The following NALCN variants were observed in gnomAD, a reference collection of about 807,000 sequenced individuals.
NALCN encodes the protein sodium leak channel, non-selective.
Under a neutral mutation model 225.3 loss-of-function variants are expected in NALCN, and 111 were observed. The observed-to-expected ratio is 0.49, with a 90% CI of 0.42 to 0.58. NALCN has a LOEUF of 0.58. NALCN is among the 20% of genes least tolerant of loss of function. The probability of loss-of-function intolerance (pLI) is 0.00; values close to 1 mark genes in which losing one functional copy is unlikely to be tolerated. For synonymous variants in NALCN, 764 were observed against 769.0 expected, an observed-to-expected ratio of 0.99 and a Z score of 0.11; for missense variants, 1,378 against 2,202.4, an observed-to-expected ratio of 0.63 and a Z score of 7.49.
At chr13:101,070,063 G>GTTCTTTTTTTTTTTTT (rs536866923) in intron 37 of NALCN, among the ~76,000 whole-genome samples, 5 of 98,314 alleles carry the variant, frequency 5.1e-5, no homozygotes, top group African/African-American at 1.3e-4. Flanking sequence ...AATCATGAAT[G>GTTCTTTTTTTTTTTTT]TTTTTTTTTT....
intron 7 of NALCN, among the ~76,000 whole-genome samples, chr13:101,328,892 A>G (rs1453427486): frequency 6.6e-6 from 1 of 152,206 alleles, no homozygotes; most frequent in Non-Finnish European, 1.5e-5. Flanking sequence ...GACCATCCAC[A>G]GAATACTCAC....
chr13:101,167,238 AT>A (rs1410916210), intron 15 of NALCN, among the ~76,000 whole-genome samples: 1 of 152,208 alleles, frequency 6.6e-6, no homozygotes, highest in African/African-American at 2.4e-5. Context: ...TCTTTTCTAT[AT>A]CTGCAAAAAG....
chr13:101,327,781 G>A (rs1419248593), intron 7 of NALCN, among the ~76,000 whole-genome samples: 1 of 152,162 alleles, frequency 6.6e-6, no homozygotes, highest in Non-Finnish European at 1.5e-5. Flanking sequence ...CTAGGATAAA[G>A]ACTGCAAAGG....
At chr13:101,287,866 G>A (rs892059512) in intron 9 of NALCN, among the ~76,000 whole-genome samples, 2 of 152,132 alleles carry the variant, frequency 1.3e-5, no homozygotes, top group African/African-American at 4.8e-5. Flanking sequence ...TGAATAACAG[G>A]TTATCTAATG....
chr13:101,200,457 G>A (rs1924427), intron 13 of NALCN, among the ~76,000 whole-genome samples: 80,351 of 151,992 alleles, frequency 0.53, 21,391 homozygotes, highest in Non-Finnish European at 0.56. Context: ...ATGCCCTCAC[G>A]CTTTGGTGCT....
intron 1 of NALCN, among the ~76,000 whole-genome samples, chr13:101,400,553 GT>G (rs147852498): frequency 0.041 from 4,726 of 116,078 alleles, 125 homozygotes; most frequent in East Asian, 0.12. Context: ...CAGTGTGTGT[GT>G]GTGTGTGTGT....
At chr13:101,156,061 G>C (rs530623583) in intron 15 of NALCN, among the ~76,000 whole-genome samples, 164 of 151,834 alleles carry the variant, frequency 1.1e-3, no homozygotes, top group African/African-American at 3.7e-3. Context: ...GTATTCTTTG[G>C]GTTATAACCC....
At chr13:101,320,850 A>C (rs1379491571) in intron 7 of NALCN, among the ~76,000 whole-genome samples, 1 of 152,030 alleles carries the variant, frequency 6.6e-6, no homozygotes, top group East Asian at 1.9e-4. Context: ...CCCTCCTTTT[A>C]TTTGATTCTA....
At chr13:101,156,797 T>C (rs950647902) in intron 15 of NALCN, among the ~76,000 whole-genome samples, 2 of 152,210 alleles carry the variant, frequency 1.3e-5, no homozygotes, top group Admixed American at 6.5e-5. Context: ...ATTAGAGGCA[T>C]GGAAAATACG....
chr13:101,327,814 T>A (rs909612950), intron 7 of NALCN, among the ~76,000 whole-genome samples: 7 of 152,138 alleles, frequency 4.6e-5, no homozygotes, highest in African/African-American at 1.4e-4. Context: ...TGTGGGAAGA[T>A]AGAATCAAAA....
chr13:101,257,029 C>T (rs4482133), intron 11 of NALCN, among the ~76,000 whole-genome samples: 1 of 152,170 alleles, frequency 6.6e-6, no homozygotes, highest in Non-Finnish European at 1.5e-5. Flanking sequence ...TCCCAAAGTT[C>T]TGGGATTACG....
At chr13:101,364,260 T>C (rs1319990759) in intron 6 of NALCN, among the ~76,000 whole-genome samples, 2 of 152,102 alleles carry the variant, frequency 1.3e-5, no homozygotes, top group Non-Finnish European at 2.9e-5. Flanking sequence ...ATTTAAGAGA[T>C]AGCAGCACTC....
At chr13:101,059,685 T>G (rs2031679584) in intron 42 of NALCN, 133 bp downstream of exon 42, 8 of 817,782 alleles carry the variant, frequency 9.8e-6, no homozygotes, top group African/African-American at 1.7e-5. Context: ...TTTTTTTTTT[T>G]TAATGAAAAT....
At chr13:101,099,747 G>T (rs1431277789) in intron 27 of NALCN, among the ~76,000 whole-genome samples, 3 of 152,092 alleles carry the variant, frequency 2.0e-5, no homozygotes, top group Non-Finnish European at 4.4e-5. Context: ...AGGAATGTGG[G>T]TGGAGCAGAT....
intron 13 of NALCN, among the ~76,000 whole-genome samples, chr13:101,221,945 T>A (rs765955978): frequency 1.3e-5 from 2 of 152,146 alleles, no homozygotes; most frequent in Non-Finnish European, 2.9e-5. Flanking sequence ...CAAAAGGAAA[T>A]CTTGACCAAC....
intron 7 of NALCN, among the ~76,000 whole-genome samples, chr13:101,329,064 T>C (rs976404547): frequency 5.3e-5 from 8 of 152,174 alleles, no homozygotes; most frequent in Non-Finnish European, 8.8e-5. Flanking sequence ...GTGACTTTCC[T>C]TACATACAAT....
rs1172845303 is a variant in NALCN at position 101,376,827 on chromosome 13, G to A, written c.517C>T (p.Arg173Ter). The A allele has an allele frequency of 1.2e-6, 2 of 1,612,014 alleles. No homozygotes were observed. The highest frequency in any genetic ancestry group is 1.3e-5 in the African/African-American group (1 of 74,618). The change falls in exon 6 of 44, where the codon CGA (arginine) becomes TGA (stop). Residue 173 changes from arginine (R) to a stop codon, truncating the protein, a stop_gained and splice_region_variant. Transcript: ENST00000251127. LOFTEE classifies it high-confidence loss of function. ...PRTRITNILK[R>*]SGEQIWSVSI... ...ACACTCCATATTTGTTCTCCCGATC[G>A]CCTAGAGAAACAAAAGTAGGTAAAG...
chr13:101,260,123 G>C (rs986229478), intron 10 of NALCN, among the ~76,000 whole-genome samples: 1 of 151,990 alleles, frequency 6.6e-6, no homozygotes, highest in Non-Finnish European at 1.5e-5. Flanking sequence ...GAGAACATGT[G>C]ATGTTTGTCT....
chr13:101,372,533 C>T (rs890658597), intron 6 of NALCN, among the ~76,000 whole-genome samples: 8 of 151,922 alleles, frequency 5.3e-5, no homozygotes, highest in Non-Finnish European at 1.0e-4. Context: ...AATTATGCAC[C>T]CAAATAACAT....
Sources: allele counts gnomAD v4.1 joint callset (sites outside exome capture counted in the v4.1 genomes callset), GRCh38; gene constraint gnomAD v4.1.1; transcripts MANE v1.5; gene names NCBI Gene and HGNC (gene_info 2026-07-23, HGNC 2026-07-21).